The following SLC12A5 variants were observed in gnomAD, a reference collection of about 807,000 sequenced individuals.
SLC12A5 encodes the protein solute carrier family 12 member 5.
Under a neutral mutation model 124.0 loss-of-function variants are expected in SLC12A5, and 18 were observed. The observed-to-expected ratio is 0.15, with a 90% CI of 0.10 to 0.22. The LOEUF is 0.22. Ranked by LOEUF, SLC12A5 falls within the 10% of genes least tolerant of loss-of-function variation. The pLI, the probability that SLC12A5 is intolerant of heterozygous loss-of-function variation, is 1.00. For synonymous variants in SLC12A5, 589 were observed against 568.0 expected (o/e 1.04, Z -0.53); for missense variants, 867 against 1,478.7 (o/e 0.59, Z 6.78).
Position 46,044,036 on chromosome 20 carries a change from G to A in SLC12A5, c.1394+103G>A, listed in dbSNP as rs1487491737. The A allele has an allele frequency of 3.4e-6, 4 of 1,165,922 alleles. No individual in the cohort carries two copies. In the African/African-American group the frequency reaches 4.7e-5, roughly 14 times the overall value. The allele number at this position is 1,165,922 out of a possible 1,614,324, so 72.2% of individuals were successfully genotyped here. On this transcript the variant is annotated intron_variant, in intron 11 of 25. Coordinates refer to ENST00000243964, the MANE Select transcript of SLC12A5 (RefSeq NM_020708.5). ...GGAGGTGCTGGGACCTGTGTGAGGG[G>A]CCTGTGGGAGGGAGGCCACGGGGAT... is the stretch of plus-strand genomic sequence containing the variant.
upstream of SLC12A5, among the ~76,000 whole-genome samples, chr20:46,026,001 C>T (rs185906475): frequency 1.2e-4 from 19 of 152,310 alleles, no homozygotes; most frequent in East Asian, 3.5e-3. Context: ...TTCCTCCAAC[C>T]AGCCCCTTGT....
intron 13 of SLC12A5, 41 bp downstream of exon 13, chr20:46,046,037 G>A (rs1352159929): frequency 3.2e-6 from 5 of 1,578,572 alleles, no homozygotes; most frequent in Non-Finnish European, 4.4e-6. Context: ...GGTTCAGGGT[G>A]TTTCTCTATC....
At chr20:46,052,859 G>A in intron 18 of SLC12A5, 98 bp from the exon 19 acceptor site, 2 of 1,345,234 alleles carry the variant, frequency 1.5e-6, no homozygotes, top group South Asian at 1.5e-5. Context: ...GGAGTGGGGT[G>A]GAGTGCTGGC....
rs2084650104 is a variant in SLC12A5, at chr20:46,051,885, G to A, written c.2377+15G>A. The A allele has an allele frequency of 6.5e-7, 1 of 1,537,616 alleles. No individual in the cohort carries two copies. Among genetic ancestry groups the A allele is most frequent in the Non-Finnish European group, 8.8e-7 (1 of 1,142,562 alleles). On this transcript the variant is annotated intron_variant, in intron 18 of 25. Transcript: ENST00000243964. ...GAACTTCATTGGTAACGCTATTGGG[G>A]GCTGGGGACAGAAGAGGGGTGGGGC... is the stretch of plus-strand genomic sequence containing the variant.
intron 2 of SLC12A5, chr20:46,023,172 G>A (rs1374513054): frequency 2.5e-6 from 1 of 397,820 alleles, no homozygotes. Context: ...CCAAATTGAG[G>A]CCTGGAATTC....
At chr20:46,021,761 GC>G, upstream of SLC12A5, 1 of 1,534,054 alleles carries the variant, frequency 6.5e-7, no homozygotes, top group Non-Finnish European at 8.7e-7. Context: ...GCTCCTTTCC[GC>G]GCCATGAGCC....
chr20:46,021,858 C>T, exon 1 of SLC12A5: 1 of 1,531,132 alleles, frequency 6.5e-7, no homozygotes, highest in Non-Finnish European at 8.7e-7. Context: ...TCGCAGACCC[C>T]CGCCACCTCC....
Position 46,057,116 on chromosome 20 carries a change from A to G in SLC12A5, c.3126-54A>G. 1 of 1,609,430 alleles carries G rather than the reference A, an allele frequency of 6.2e-7. No homozygotes were observed. Among genetic ancestry groups the G allele is most frequent in the Non-Finnish European group, 8.5e-7 (1 of 1,176,820 alleles). On this transcript the variant is annotated intron_variant, in intron 24 of 25. Transcript: ENST00000243964. The surrounding 1 kb of genome is among the most constrained non-coding windows in gnomAD (Gnocchi z 7.1). ...TCGGGCTGGAAGGGCGACTGGCTCC[A>G]ATCTTCTCTACCCCCCCGGCTCACG...
At position 46,056,978 on chromosome 20, in the gene SLC12A5, G is replaced by A. The variant is rs1206131897; in HGVS notation, c.3125+67G>A. 2 of 1,610,794 alleles carry A rather than the reference G, an allele frequency of 1.2e-6. No homozygotes were observed. Among genetic ancestry groups the A allele is most frequent in the Admixed American group, 1.7e-5 (1 of 59,988 alleles). On this transcript the variant is annotated intron_variant, in intron 24 of 25. Coordinates refer to ENST00000243964, the MANE Select transcript of SLC12A5 (RefSeq NM_020708.5). This position sits in a 1 kb window ranked among gnomAD's most constrained non-coding sequence, Gnocchi z 4.3. ...CCAGGGTCCCTACCCTCCTCACTCT[G>A]TTGTGAACCCCTAATTGGTGCCACG...
chr20:46,021,704 C>G (rs974342885), upstream of SLC12A5: 3 of 1,522,210 alleles, frequency 2.0e-6, no homozygotes, highest in African/African-American at 4.2e-5. Flanking sequence ...CTCCTAGAGC[C>G]TGGTTGCAGC....
chr20:46,036,550 C>T (rs2084500215), intron 4 of SLC12A5, 191 bp from the exon 5 acceptor site: 9 of 516,014 alleles, frequency 1.7e-5, no homozygotes, highest in South Asian at 6.9e-5. Flanking sequence ...TCCTTCCGTT[C>T]GCATGGTGAA....
chr20:46,043,878 A>T lies in SLC12A5; in HGVS notation c.1339A>T (p.Ile447Phe). The T allele has an allele frequency of 6.2e-7, 1 of 1,613,416 alleles. No homozygotes were observed. Among genetic ancestry groups the T allele is most frequent in the East Asian group, 2.2e-5 (1 of 44,856 alleles). ...TTCTCCTTTATCCTCTGCTGCAGAC[A>T]TCAGCTCCGTTGTTCTGTTTGGGGC... Reference protein sequence around the residue: ...LAIATTSAVYISSVVLFGACI... With the variant: ...LAIATTSAVYFSSVVLFGACI... The change falls in exon 11 of 26, where the codon ATC (isoleucine) becomes TTC (phenylalanine). Residue 447 changes from isoleucine to phenylalanine, a missense_variant and splice_region_variant. Physicochemically the swap from Ile to Phe is conservative, Grantham distance 21. Transcript: ENST00000243964.
intron 17 of SLC12A5, among the ~76,000 whole-genome samples, chr20:46,050,324 CTG>C (rs1281126665): frequency 6.6e-6 from 1 of 152,254 alleles, no homozygotes; most frequent in African/African-American, 2.4e-5. Flanking sequence ...GGCCCCTGCT[CTG>C]TGTCACCTGC....
chr20:46,037,866 A>G (rs994158970), intron 6 of SLC12A5, among the ~76,000 whole-genome samples: 4 of 152,182 alleles, frequency 2.6e-5, no homozygotes, highest in Admixed American at 1.3e-4. Context: ...TAGGTACTCT[A>G]TGATGTTAAT....
At position 46,053,395 on chromosome 20, in the gene SLC12A5, GA is replaced by G. The variant is rs2084663228; in HGVS notation, c.2548-182del. Among the ~76,000 whole-genome samples, 1 of 152,206 alleles carries G rather than the reference GA, an allele frequency of 6.6e-6. No homozygotes were observed. The highest frequency in any genetic ancestry group is 2.4e-5 in the African/African-American group (1 of 41,448). On this transcript the variant is annotated intron_variant, in intron 19 of 25. Coordinates refer to ENST00000243964, the MANE Select transcript of SLC12A5 (RefSeq NM_020708.5). The surrounding 1 kb of genome is among the most constrained non-coding windows in gnomAD (Gnocchi z 4.7). ...GCCAGTGATGCTTTCTTTAATGGGG[GA>G]CCCTCAGACCTAAGCAGGGAAGGTT...
intron 1 of SLC12A5, 101 bp downstream of exon 1, chr20:46,029,497 C>T: frequency 7.7e-7 from 1 of 1,301,848 alleles, no homozygotes; most frequent in Non-Finnish European, 1.0e-6. Flanking sequence ...AGAGAGGAGG[C>T]TGGGACTGAC....
At chr20:46,049,163 AG>A (rs1161081298) in intron 16 of SLC12A5, among the ~76,000 whole-genome samples, 1 of 152,206 alleles carries the variant, frequency 6.6e-6, no homozygotes, top group African/African-American at 2.4e-5. Context: ...TCTAGCCCAG[AG>A]TAGGTGCTTA....
At chr20:46,055,936 T>C in intron 21 of SLC12A5, 1 of 603,676 alleles carries the variant, frequency 1.7e-6, no homozygotes, top group Non-Finnish European at 2.9e-6. Flanking sequence ...TTAACCCTTT[T>C]GTTGCCAGAT....
At chr20:46,047,369 C>A in intron 14 of SLC12A5, 85 bp from the exon 15 acceptor site, 1 of 1,561,374 alleles carries the variant, frequency 6.4e-7, no homozygotes, top group Non-Finnish European at 8.7e-7. Context: ...CCATGCCCTG[C>A]CCCATCTCCC....
Sources: gnomAD v4.1 joint callset for allele counts (sites outside exome capture counted in the v4.1 genomes callset) on GRCh38, gnomAD v4.1.1 for gene constraint, Gnocchi (gnomAD v3.1) non-coding constraint, MANE v1.5 for transcripts, NCBI Gene and HGNC (gene_info 2026-07-23, HGNC 2026-07-21) for gene names.